AJAP1: variants seen among roughly 807,000 people sequenced by gnomAD.
AJAP1 encodes the protein adherens junction-associated protein 1.
A neutral mutation model predicts 35.0 loss-of-function variants in AJAP1; 5 were observed. That is an observed-to-expected ratio of 0.14 (90% confidence interval 0.07 to 0.30). The LOEUF (loss-of-function observed/expected upper bound fraction) is 0.30, where lower values mean the gene tolerates loss of function less well. Ranked by LOEUF, AJAP1 falls within the 10% of genes least tolerant of loss-of-function variation. The probability of loss-of-function intolerance (pLI) is 1.00; values close to 1 mark genes in which losing one functional copy is unlikely to be tolerated. For synonymous variants in AJAP1, 284 were observed against 249.3 expected (o/e 1.14, Z -1.31); for missense variants, 586 against 571.0 (o/e 1.03, Z -0.27).
chr1:4,712,066 T>A lies in AJAP1; in HGVS notation c.196T>A (p.Phe66Ile). 1.3e-6 allele frequency: 2 copies of A among 1,582,654 alleles called. No homozygotes were observed. Among genetic ancestry groups the A allele is most frequent in the Non-Finnish European group, 1.7e-6 (2 of 1,168,708 alleles). Residue 66 changes from phenylalanine to isoleucine, a missense_variant, in exon 2 of 6, where the codon TTT becomes ATT. Physicochemically the swap from Phe to Ile is conservative, Grantham distance 21. Coordinates refer to ENST00000378191, the MANE Select transcript of AJAP1 (RefSeq NM_018836.4). ...GCCCCGGCCGCCCCGGCTGTGGAGT[T>A]TTAGGAGTGGACAGCCAGCGCGGGT... ...SPPRPPRLWS[F>I]RSGQPARVPA...
intron 1 of AJAP1, among the ~76,000 whole-genome samples, chr1:4,699,079 A>G (rs1639928113): frequency 6.6e-6 from 1 of 152,112 alleles, no homozygotes; most frequent in African/African-American, 2.4e-5. Context: ...TCTCACTCCT[A>G]ACAAGGGTAG....
At position 4,787,411 on chromosome 1, in the gene AJAP1, G is replaced by A. The variant is rs889858825; in HGVS notation, c.*4926G>A. ...GGTTGTCTACGTCTCCTCCTCCTGC[G>A]ACCCATCACCTACTGGAAAATTACC... On this transcript the variant is annotated 3_prime_UTR_variant, in exon 6 of 6. Coordinates refer to ENST00000378191, the MANE Select transcript of AJAP1 (RefSeq NM_018836.4). 10 of 288,800 alleles carry A rather than the reference G, an allele frequency of 3.5e-5. No individual in the cohort carries two copies. The highest frequency in any genetic ancestry group is 2.4e-4 in the East Asian group (2 of 8,446). The allele number at this position is 288,800 out of a possible 1,614,324, so 17.9% of individuals were successfully genotyped here. A position where few individuals can be genotyped will look rare whatever the true frequency, so the allele number is the denominator to read the frequency against.
chr1:4,775,543 G>A (rs369712367), intron 5 of AJAP1, among the ~76,000 whole-genome samples: 466 of 152,324 alleles, frequency 3.1e-3, no homozygotes, highest in African/African-American at 0.011. Flanking sequence ...GGACAGGGAA[G>A]GTCTGGAGGA....
intron 1 of AJAP1, among the ~76,000 whole-genome samples, chr1:4,665,255 C>T (rs1395339406): frequency 6.6e-6 from 1 of 152,124 alleles, no homozygotes; most frequent in Admixed American, 6.5e-5. Context: ...ATTTTTATGA[C>T]ACTGCATTTC....
At chr1:4,700,372 G>C (rs890738860) in intron 1 of AJAP1, among the ~76,000 whole-genome samples, 1 of 152,076 alleles carries the variant, frequency 6.6e-6, no homozygotes, top group African/African-American at 2.4e-5. Flanking sequence ...CCCCACAGGC[G>C]CCCATGAGTG....
chr1:4,658,512 G>A (rs191507492), intron 1 of AJAP1, among the ~76,000 whole-genome samples: 1 of 152,208 alleles, frequency 6.6e-6, no homozygotes, highest in Non-Finnish European at 1.5e-5. Context: ...ATCCTGGCTC[G>A]CGCCGATTTC....
intron 2 of AJAP1, among the ~76,000 whole-genome samples, chr1:4,713,235 G>C (rs901718065): frequency 1.3e-5 from 2 of 152,222 alleles, no homozygotes; most frequent in Non-Finnish European, 2.9e-5. Context: ...TAAATAGCAA[G>C]AAAGGCCGAG....
rs1172068210 is a variant in AJAP1, at chr1:4,774,545, G to C, written c.*46G>C. 3 of 1,581,198 alleles carry C rather than the reference G, an allele frequency of 1.9e-6. No homozygotes were observed. The highest frequency in any genetic ancestry group is 1.7e-6 in the Non-Finnish European group (2 of 1,151,348). On this transcript the variant is annotated 3_prime_UTR_variant, in exon 5 of 6. Transcript: ENST00000378191. ...CTCCTGGGGGCAGGGCAGACGCCGT[G>C]TGTCTGTTTCACGGTAGGTACCTCT...
chr1:4,713,264 C>T (rs114139724), intron 2 of AJAP1, among the ~76,000 whole-genome samples: 3,043 of 152,296 alleles, frequency 0.02, 57 homozygotes, highest in Middle Eastern at 0.037. Flanking sequence ...AAAGGAAGAA[C>T]TTCCTGCGGT....
chr1:4,712,467 C>T lies in AJAP1; in HGVS notation c.597C>T (p.Gly199=), dbSNP rs374804433. 1.9e-6 allele frequency: 3 copies of T among 1,611,110 alleles called. No homozygotes were observed. Among genetic ancestry groups the T allele is most frequent in the Non-Finnish European group, 2.5e-6 (3 of 1,178,932 alleles). Residue 199 remains glycine, a synonymous_variant, in exon 2 of 6, where the codon GGC becomes GGT. Coordinates refer to ENST00000378191, the MANE Select transcript of AJAP1 (RefSeq NM_018836.4). ...EEALESNTFP[G]VYGPTTVSIL... The stretch of plus-strand genomic sequence containing the variant: ...CCCTGGAGTCCAACACATTTCCGGG[C>T]GTTTACGGCCCCACCACGGTCTCCA...
At chr1:4,777,762 A>C (rs377019348) in intron 5 of AJAP1, 5 of 152,354 alleles carry the variant, frequency 3.3e-5, no homozygotes, top group East Asian at 1.9e-4. Flanking sequence ...ATTTTCAAAA[A>C]CACATTGATC....
chr1:4,684,792 C>T (rs1011876644), intron 1 of AJAP1, among the ~76,000 whole-genome samples: 1 of 152,120 alleles, frequency 6.6e-6, no homozygotes, highest in Non-Finnish European at 1.5e-5. Context: ...AATGGGATCG[C>T]CGTTGATTCC....
chr1:4,754,122 T>C, intron 2 of AJAP1, among the ~76,000 whole-genome samples: 1 of 152,142 alleles, frequency 6.6e-6, no homozygotes, highest in East Asian at 1.9e-4. Flanking sequence ...CGTTTGTACA[T>C]CCTGGGAACG....
intron 2 of AJAP1, among the ~76,000 whole-genome samples, chr1:4,731,947 C>G (rs1570168198): frequency 6.6e-6 from 1 of 152,348 alleles, no homozygotes; most frequent in East Asian, 1.9e-4. Context: ...TCGGACACCC[C>G]CTGGGTGGCC....
intron 1 of AJAP1, among the ~76,000 whole-genome samples, chr1:4,700,919 G>T (rs1639973076): frequency 6.6e-6 from 1 of 152,174 alleles, no homozygotes; most frequent in Admixed American, 6.5e-5. Flanking sequence ...AGGGACAGGG[G>T]AGCGGGGCCC....
At chr1:4,773,625 G>A (rs1641886481) in intron 4 of AJAP1, among the ~76,000 whole-genome samples, 1 of 152,198 alleles carries the variant, frequency 6.6e-6, no homozygotes, top group Admixed American at 6.5e-5. Flanking sequence ...TTTACACTCA[G>A]ACATTTGGGG....
intron 1 of AJAP1, among the ~76,000 whole-genome samples, chr1:4,683,681 T>C (rs1639538762): frequency 6.6e-6 from 1 of 152,228 alleles, no homozygotes. Flanking sequence ...CAGATCTCCA[T>C]GGGACTCACC....
At chr1:4,757,915 T>C (rs1641469034) in intron 2 of AJAP1, among the ~76,000 whole-genome samples, 1 of 149,902 alleles carries the variant, frequency 6.7e-6, no homozygotes, top group African/African-American at 2.5e-5. Flanking sequence ...CTGTAATCCC[T>C]ACCTGTTGTG....
chr1:4,700,547 G>A (rs1639963582), intron 1 of AJAP1, among the ~76,000 whole-genome samples: 1 of 152,184 alleles, frequency 6.6e-6, no homozygotes. Flanking sequence ...TGACCCCCAG[G>A]GGATGAGGTT....
Sources: allele counts gnomAD v4.1 joint callset (sites outside exome capture counted in the v4.1 genomes callset), GRCh38; gene constraint gnomAD v4.1.1; transcripts MANE v1.5; gene names NCBI Gene and HGNC (gene_info 2026-07-23, HGNC 2026-07-21).